CAMTA1: variants seen among roughly 807,000 people sequenced by gnomAD.
The protein encoded by CAMTA1 is calmodulin binding transcription activator 1.
CAMTA1 carries 27 observed loss-of-function variants against 170.9 expected under a neutral mutation model. The observed-to-expected ratio is 0.16, with a 90% confidence interval of 0.12 to 0.22. The LOEUF is 0.22. Among genes scored for constraint, CAMTA1 ranks in the 10% least tolerant of loss-of-function variants. The pLI is 1.00. For missense variants in CAMTA1, 1,619 were observed against 2,217.2 expected (o/e 0.73, Z 5.42); for synonymous variants, 833 against 891.5 (o/e 0.93, Z 1.17).
rs1468605035 is a variant in CAMTA1 at position 7,426,515 on chromosome 1, C to T, written c.439-41315C>T. ...TGTTAGATCAAGCGGAGGGCCCTGG[C>T]CAGGGCTGAGCAAGGCCTGATTTAC... On this transcript the variant is annotated intron_variant, in intron 5 of 22. Coordinates refer to ENST00000303635, the MANE Select transcript of CAMTA1 (RefSeq NM_015215.4). This position sits in a 1 kb window ranked among gnomAD's most constrained non-coding sequence, Gnocchi z 4.8. 2.0e-4 allele frequency among the ~76,000 whole-genome samples: 30 copies of T among 152,220 alleles called. No individual in the cohort carries two copies. The highest frequency in any genetic ancestry group is 1.5e-5 in the Non-Finnish European group (1 of 68,048).
intron 5 of CAMTA1, among the ~76,000 whole-genome samples, chr1:7,384,093 A>G (rs2087662438): frequency 6.6e-6 from 1 of 152,202 alleles, no homozygotes; most frequent in Non-Finnish European, 1.5e-5. Flanking sequence ...CTGGGAAAGA[A>G]AAGGTGGCAG....
intron 3 of CAMTA1, among the ~76,000 whole-genome samples, chr1:6,859,810 A>G (rs1007387527): frequency 6.6e-6 from 1 of 152,110 alleles, no homozygotes; most frequent in African/African-American, 2.4e-5. Context: ...AAGAAAAGAA[A>G]TGTTGTAGAA....
intron 5 of CAMTA1, among the ~76,000 whole-genome samples, chr1:7,422,523 C>G (rs1303858543): frequency 6.6e-6 from 1 of 152,130 alleles, no homozygotes; most frequent in African/African-American, 2.4e-5. Context: ...GTGCTGCTGC[C>G]CATCACAGCA....
At chr1:7,442,645 G>A (rs1043115143) in intron 5 of CAMTA1, among the ~76,000 whole-genome samples, 7 of 152,130 alleles carry the variant, frequency 4.6e-5, no homozygotes, top group East Asian at 1.9e-4. Context: ...TTTACTCAAC[G>A]CGTGACTTGG....
At chr1:7,303,045 G>A (rs1424950641) in intron 5 of CAMTA1, among the ~76,000 whole-genome samples, 2 of 152,202 alleles carry the variant, frequency 1.3e-5, no homozygotes, top group Non-Finnish European at 2.9e-5. Flanking sequence ...ACTGAGGACA[G>A]TACCACCGCC....
At chr1:7,436,609 C>A (rs1259407290) in intron 5 of CAMTA1, among the ~76,000 whole-genome samples, 1 of 152,178 alleles carries the variant, frequency 6.6e-6, no homozygotes, top group Non-Finnish European at 1.5e-5. Flanking sequence ...AGGGCCTGGT[C>A]CCTCCTCCCA....
At chr1:7,450,071 G>A (rs2092786418) in intron 5 of CAMTA1, among the ~76,000 whole-genome samples, 1 of 152,160 alleles carries the variant, frequency 6.6e-6, no homozygotes, top group South Asian at 2.1e-4. Context: ...CCACCAGCCA[G>A]CCCAGCAGGG....
At chr1:6,797,997 T>A (rs1160739804) in intron 1 of CAMTA1, among the ~76,000 whole-genome samples, 3 of 96,684 alleles carry the variant, frequency 3.1e-5, no homozygotes, top group Non-Finnish European at 6.6e-5. Context: ...AAGAAAGGAA[T>A]TTTTTTTTTT....
At position 7,733,704 on chromosome 1, in the gene CAMTA1, C is replaced by T. The variant is rs189515293; in HGVS notation, c.3066+1105C>T. The stretch of plus-strand genomic sequence containing the variant: ...ACCTCAAATAATGCCCCCTCTTTCT[C>T]TTCAAGACAAATGATGATTTCCTTT... On this transcript the variant is annotated intron_variant, in intron 12 of 22. Transcript: ENST00000303635. Among the ~76,000 whole-genome samples, 5 of 152,186 alleles carry T rather than the reference C, an allele frequency of 3.3e-5. No homozygotes were observed. In the East Asian group the frequency reaches 9.6e-4, roughly 29 times the overall value.
Position 6,887,639 on chromosome 1 carries a change from A to G in CAMTA1, c.234+62429A>G, listed in dbSNP as rs1199011343. The stretch of plus-strand genomic sequence containing the variant: ...AAGCGACGGTTTTGACCCATTTTAC[A>G]CCTATTTATTTCAGGCTCTCACCAC... On this transcript the variant is annotated intron_variant, in intron 3 of 22. Transcript: ENST00000303635. The surrounding 1 kb of genome is among the most constrained non-coding windows in gnomAD (Gnocchi z 4.1). 3 of 1,534,802 alleles carry G rather than the reference A, an allele frequency of 2.0e-6. No homozygotes were observed. Among genetic ancestry groups the G allele is most frequent in the South Asian group, 2.4e-5 (2 of 84,006 alleles).
At chr1:6,806,359 G>A (rs747698256) in intron 1 of CAMTA1, among the ~76,000 whole-genome samples, 2 of 152,076 alleles carry the variant, frequency 1.3e-5, no homozygotes, top group Non-Finnish European at 2.9e-5. Flanking sequence ...TTGTATTTCC[G>A]TATGAATATT....
At chr1:7,135,693 A>G (rs1473198680) in intron 4 of CAMTA1, among the ~76,000 whole-genome samples, 2 of 152,120 alleles carry the variant, frequency 1.3e-5, no homozygotes, top group Non-Finnish European at 2.9e-5. Flanking sequence ...TCTCATTGCA[A>G]TTATTACAGA....
intron 4 of CAMTA1, among the ~76,000 whole-genome samples, chr1:7,177,690 G>C (rs1413114221): frequency 6.8e-6 from 1 of 147,132 alleles, no homozygotes; most frequent in Admixed American, 6.8e-5. Flanking sequence ...CCATATACCA[G>C]TACCCCTCCC....
At chr1:7,590,647 A>C (rs948137472) in intron 6 of CAMTA1, among the ~76,000 whole-genome samples, 8 of 152,214 alleles carry the variant, frequency 5.3e-5, no homozygotes, top group Admixed American at 3.9e-4. Flanking sequence ...CCCCTCCACC[A>C]GACAGCGCTA....
intron 5 of CAMTA1, among the ~76,000 whole-genome samples, chr1:7,395,274 A>T (rs1427431670): frequency 1.3e-5 from 2 of 152,138 alleles, no homozygotes; most frequent in African/African-American, 4.8e-5. Context: ...CTCTAATTTC[A>T]TTGTTATGCA....
chr1:7,218,167 T>G (rs976481119), intron 4 of CAMTA1, among the ~76,000 whole-genome samples: 3 of 152,246 alleles, frequency 2.0e-5, no homozygotes, highest in Non-Finnish European at 4.4e-5. Flanking sequence ...CTGACAACTG[T>G]CTCTGTTGCC....
At chr1:7,394,053 G>GTAT (rs1159378712) in intron 5 of CAMTA1, among the ~76,000 whole-genome samples, 8 of 152,162 alleles carry the variant, frequency 5.3e-5, no homozygotes, top group Non-Finnish European at 1.0e-4. Flanking sequence ...TGACTGAAGA[G>GTAT]TATTCCATTG....
At chr1:7,717,852 T>G (rs762862557) in intron 11 of CAMTA1, among the ~76,000 whole-genome samples, 3 of 152,240 alleles carry the variant, frequency 2.0e-5, no homozygotes, top group Non-Finnish European at 4.4e-5. Context: ...AAACAAATAT[T>G]TGTTCTACAT....
chr1:7,121,739 C>T (rs1644655022), intron 4 of CAMTA1, among the ~76,000 whole-genome samples: 1 of 152,168 alleles, frequency 6.6e-6, no homozygotes, highest in South Asian at 2.1e-4. Flanking sequence ...CGAGTTCTGG[C>T]AGCCCTCCAG....
Sources: allele counts gnomAD v4.1 joint callset (sites outside exome capture counted in the v4.1 genomes callset), GRCh38; gene constraint gnomAD v4.1.1; non-coding constraint Gnocchi (gnomAD v3.1); transcripts MANE v1.5; gene names NCBI Gene and HGNC (gene_info 2026-07-23, HGNC 2026-07-21).